The following CLASP2 variants were observed in gnomAD, a reference collection of about 807,000 sequenced individuals.
CLASP2 encodes the protein CLIP-associating protein 2.
CLASP2 carries 47 observed loss-of-function variants against 194.4 expected under a neutral mutation model. The observed-to-expected ratio is 0.24, with a 90% confidence interval of 0.19 to 0.31. The LOEUF (loss-of-function observed/expected upper bound fraction) is 0.31, where lower values mean the gene tolerates loss of function less well. Among genes scored for constraint, CLASP2 ranks in the 10% least tolerant of loss-of-function variants. The pLI, the probability that CLASP2 is intolerant of heterozygous loss-of-function variation, is 1.00. For missense variants in CLASP2, 1,445 were observed against 1,823.6 expected (o/e 0.79, Z 3.78); for synonymous variants, 619 against 633.5 (o/e 0.98, Z 0.34).
intron 1 of CLASP2, among the ~76,000 whole-genome samples, chr3:33,704,212 T>C (rs1056346173): frequency 6.6e-6 from 1 of 152,142 alleles, no homozygotes; most frequent in African/African-American, 2.4e-5. Flanking sequence ...AAGCCTAATG[T>C]AAACTGTGGA....
chr3:33,606,301 A>T (rs935360637), intron 16 of CLASP2, among the ~76,000 whole-genome samples: 1 of 152,142 alleles, frequency 6.6e-6, no homozygotes, highest in African/African-American at 2.4e-5. Flanking sequence ...ATTTATTGTA[A>T]GTACTGTTTT....
chr3:33,686,923 T>C, intron 5 of CLASP2, 137 bp downstream of exon 5: 1 of 559,760 alleles, frequency 1.8e-6, no homozygotes, highest in Non-Finnish European at 3.2e-6. Flanking sequence ...TTGATGGATT[T>C]TTTTTAATGA....
chr3:33,640,711 T>A (rs1424251585), intron 8 of CLASP2, among the ~76,000 whole-genome samples: 2 of 152,078 alleles, frequency 1.3e-5, no homozygotes, highest in East Asian at 1.9e-4. Context: ...CTTATTTTTT[T>A]AAAAAGAGTA....
At chr3:33,576,333 G>A in intron 23 of CLASP2, 58 bp from the exon 24 acceptor site, 1 of 1,408,520 alleles carries the variant, frequency 7.1e-7, no homozygotes, top group Non-Finnish European at 1.0e-6. Flanking sequence ...AACAGTGTCA[G>A]GTTGGGAAAC....
intron 34 of CLASP2, among the ~76,000 whole-genome samples, chr3:33,517,513 CAT>C (rs1189020562): frequency 8.5e-5 from 13 of 152,100 alleles, no homozygotes; most frequent in African/African-American, 3.1e-4. Context: ...TAGCAAATCC[CAT>C]ATATGTCATT....
rs568509061 is a variant in CLASP2, at chr3:33,667,832, G to A, written c.645-4317C>T. On this transcript the variant is annotated intron_variant, in intron 6 of 38. Transcript: ENST00000682230. Reference sequence around the variant, plus strand: ...GAGTTTATTTCAGTATAGTTCCATCGATCTATATCTAGTGTTATGCTAGTA... The same window carrying A: ...GAGTTTATTTCAGTATAGTTCCATCAATCTATATCTAGTGTTATGCTAGTA... Among the ~76,000 whole-genome samples, 101 of 152,136 alleles carry A rather than the reference G, an allele frequency of 6.6e-4. No homozygotes were observed. In the South Asian group the frequency reaches 7.7e-3, roughly 12 times the overall value.
chr3:33,600,751 A>T (rs1305404244), intron 18 of CLASP2, among the ~76,000 whole-genome samples: 1 of 152,204 alleles, frequency 6.6e-6, no homozygotes, highest in Non-Finnish European at 1.5e-5. Context: ...GCTGCACAAC[A>T]TATATAAGGA....
chr3:33,649,309 T>A (rs2082791591), intron 7 of CLASP2, among the ~76,000 whole-genome samples: 1 of 152,214 alleles, frequency 6.6e-6, no homozygotes, highest in South Asian at 2.1e-4. Flanking sequence ...ACTTATCATC[T>A]ATATATTTTA....
intron 36 of CLASP2, among the ~76,000 whole-genome samples, chr3:33,513,482 A>G (rs2050486297): frequency 6.6e-6 from 1 of 152,186 alleles, no homozygotes; most frequent in Non-Finnish European, 1.5e-5. Context: ...CAGTGAGCTG[A>G]GATCGTGCCA....
intron 12 of CLASP2, among the ~76,000 whole-genome samples, chr3:33,616,467 T>C (rs978969296): frequency 6.6e-6 from 1 of 151,994 alleles, no homozygotes; most frequent in Non-Finnish European, 1.5e-5. Flanking sequence ...TAATGTACAA[T>C]GGCCAAGCAG....
chr3:33,656,760 C>A (rs1420543186), intron 7 of CLASP2, among the ~76,000 whole-genome samples: 1 of 151,862 alleles, frequency 6.6e-6, no homozygotes, highest in Non-Finnish European at 1.5e-5. Context: ...ATGATATGTC[C>A]ATATTATAGA....
At chr3:33,711,411 A>G (rs1040368296) in intron 1 of CLASP2, among the ~76,000 whole-genome samples, 7 of 151,124 alleles carry the variant, frequency 4.6e-5, no homozygotes, top group Non-Finnish European at 1.0e-4. Flanking sequence ...ATACCTGGCT[A>G]ATTTTTTTAT....
chr3:33,657,712 A>T (rs1024278407), intron 7 of CLASP2, among the ~76,000 whole-genome samples: 1 of 152,168 alleles, frequency 6.6e-6, no homozygotes, highest in Non-Finnish European at 1.5e-5. Context: ...TATTTCCATA[A>T]GATCATATAA....
Position 33,517,345 on chromosome 3 carries a change from C to T in CLASP2, c.3788-171G>A, listed in dbSNP as rs1297554120. Reference sequence around the variant, plus strand: ...CTTTTCAATTTTGTCATTCCCAAAACACTGGTGCTATCTTAAAACTTTGTA... The same window carrying T: ...CTTTTCAATTTTGTCATTCCCAAAATACTGGTGCTATCTTAAAACTTTGTA... On this transcript the variant is annotated intron_variant, in intron 34 of 38. Coordinates refer to ENST00000682230, the MANE Select transcript of CLASP2 (RefSeq NM_001365631.1). 3.9e-5 allele frequency among the ~76,000 whole-genome samples: 6 copies of T among 152,206 alleles called. No homozygotes were observed. In the East Asian group the frequency reaches 9.6e-4, roughly 24 times the overall value.
chr3:33,610,581 T>C (rs890902094), intron 13 of CLASP2, among the ~76,000 whole-genome samples: 3 of 144,188 alleles, frequency 2.1e-5, no homozygotes, highest in Non-Finnish European at 4.6e-5. Flanking sequence ...TTTTCCTCAA[T>C]GTAAGACGGG....
At chr3:33,681,648 G>A (rs1320268881) in intron 6 of CLASP2, among the ~76,000 whole-genome samples, 1 of 152,146 alleles carries the variant, frequency 6.6e-6, no homozygotes, top group Non-Finnish European at 1.5e-5. Flanking sequence ...AAGAGTGTTG[G>A]AGTACATAAA....
intron 37 of CLASP2, 99 bp from the exon 38 acceptor site, chr3:33,501,867 A>G: frequency 1.3e-6 from 1 of 781,058 alleles, no homozygotes; most frequent in Middle Eastern, 2.3e-4. Context: ...TGAAATCTCG[A>G]GCATACTAAG....
At chr3:33,547,755 G>C (rs1003450066) in intron 30 of CLASP2, among the ~76,000 whole-genome samples, 6 of 151,718 alleles carry the variant, frequency 4.0e-5, no homozygotes, top group African/African-American at 1.5e-4. Context: ...CGCCATCTGA[G>C]CCTGGGCTTT....
At chr3:33,576,072 T>C in intron 24 of CLASP2, 97 bp downstream of exon 24, 1 of 844,606 alleles carries the variant, frequency 1.2e-6, no homozygotes, top group Admixed American at 2.6e-5. Context: ...ATCACTGATT[T>C]TTCCCCAACC....
Sources: allele counts gnomAD v4.1 joint callset (sites outside exome capture counted in the v4.1 genomes callset), GRCh38; gene constraint gnomAD v4.1.1; transcripts MANE v1.5; gene names NCBI Gene and HGNC (gene_info 2026-07-23, HGNC 2026-07-21).